PMEPA1: variants seen among roughly 807,000 people sequenced by gnomAD.
PMEPA1 encodes the protein prostate transmembrane protein, androgen induced 1.
A neutral mutation model predicts 23.0 loss-of-function variants in PMEPA1; 11 were observed. The ratio of observed to expected loss-of-function variants is 0.48; its 90% CI spans 0.30 to 0.79. The LOEUF (loss-of-function observed/expected upper bound fraction) is 0.79, where lower values mean the gene tolerates loss of function less well. Among genes scored for constraint, PMEPA1 ranks in the 30% least tolerant of loss-of-function variants. PMEPA1 has a pLI of 0.06. For missense variants in PMEPA1, 377 were observed against 390.9 expected (o/e 0.96, Z 0.30); for synonymous variants, 204 against 166.4 (o/e 1.23, Z -1.74).
Position 57,652,196 on chromosome 20 carries a change from C to G in PMEPA1, c.721G>C (p.Gly241Arg). 1 of 1,609,918 alleles carries G rather than the reference C, an allele frequency of 6.2e-7. No homozygotes were observed. The change falls in exon 4 of 4, where the codon GGG (glycine) becomes CGG (arginine). Residue 241 changes from glycine (G) to arginine (R), a missense_variant. Transcript: ENST00000341744. The surrounding 1 kb of genome is among the most constrained non-coding windows in gnomAD (Gnocchi z 6.1). Reference protein sequence around the residue: ...TYSEVIGHYPGSSFQHQQSSG... With the variant: ...TYSEVIGHYPRSSFQHQQSSG... Reference sequence around the variant, plus strand: ...CTCTGCTGGTGCTGGAAGGAGGACCCCGGGTAGTGGCCGATGACCTCGCTG... The same window carrying G: ...CTCTGCTGGTGCTGGAAGGAGGACCGCGGGTAGTGGCCGATGACCTCGCTG...
chr20:57,688,842 C>T (rs147407527), intron 1 of PMEPA1, among the ~76,000 whole-genome samples: 5 of 151,882 alleles, frequency 3.3e-5, no homozygotes, highest in African/African-American at 7.2e-5. Flanking sequence ...AAGGTGGCTT[C>T]GGGGATGTTC....
intron 1 of PMEPA1, among the ~76,000 whole-genome samples, chr20:57,709,163 A>C (rs1355427420): frequency 4.0e-5 from 6 of 151,580 alleles, no homozygotes. Context: ...ATAAAATGGA[A>C]ACTTCACGGA....
intron 1 of PMEPA1, among the ~76,000 whole-genome samples, chr20:57,665,311 A>G (rs558352352): frequency 4.3e-4 from 66 of 152,288 alleles, no homozygotes; most frequent in Non-Finnish European, 1.0e-4. Flanking sequence ...CAGAGCCGCC[A>G]TATAGGAACT....
upstream of PMEPA1, chr20:57,710,304 C>G (rs934544544): frequency 7.8e-6 from 6 of 770,260 alleles, no homozygotes; most frequent in South Asian, 1.1e-4. Context: ...CAGCCGCACC[C>G]GGGCGGGTTG....
intron 1 of PMEPA1, among the ~76,000 whole-genome samples, chr20:57,694,225 C>T (rs180995118): frequency 2.1e-4 from 32 of 152,292 alleles, no homozygotes; most frequent in Non-Finnish European, 3.8e-4. Flanking sequence ...TAAAGGCCCA[C>T]GAGGGACTTG....
Position 57,656,867 on chromosome 20 carries a change from C to T in PMEPA1, c.264+2676G>A, listed in dbSNP as rs183795473. 2.3e-3 allele frequency among the ~76,000 whole-genome samples: 343 copies of T among 152,286 alleles called. 1 individual carries two copies. Among genetic ancestry groups the T allele is most frequent in the Non-Finnish European group, 3.5e-3 (240 of 68,004 alleles). On this transcript the variant is annotated intron_variant, in intron 2 of 3. Coordinates refer to ENST00000341744, the MANE Select transcript of PMEPA1 (RefSeq NM_020182.5). This position sits in a 1 kb window ranked among gnomAD's most constrained non-coding sequence, Gnocchi z 4.7. ...GGGCTGGGGGGATGTAGACTGGGCCCGGGACAGATAAGAGCTGTATGTGGA... is the reference window on the plus strand; with the variant it reads ...GGGCTGGGGGGATGTAGACTGGGCCTGGGACAGATAAGAGCTGTATGTGGA...
At chr20:57,669,150 T>TATTTATTTA (rs140842842) in intron 1 of PMEPA1, among the ~76,000 whole-genome samples, 10 of 126,384 alleles carry the variant, frequency 7.9e-5, no homozygotes, top group African/African-American at 4.3e-4. Context: ...CACATTTATT[T>TATTTATTTA]ATTTATTTAT....
intron 1 of PMEPA1, among the ~76,000 whole-genome samples, chr20:57,669,754 A>T (rs1239176436): frequency 6.6e-6 from 1 of 152,190 alleles, no homozygotes. Context: ...GCATGCATGA[A>T]ACTGCCAGCT....
rs8183538 is a variant in PMEPA1, at chr20:57,652,963, G to C, written c.318+70C>G. On this transcript the variant is annotated intron_variant, in intron 3 of 3. Coordinates refer to ENST00000341744, the MANE Select transcript of PMEPA1 (RefSeq NM_020182.5). This position sits in a 1 kb window ranked among gnomAD's most constrained non-coding sequence, Gnocchi z 6.1. ...GGGTGAGCCTTTAGCAGCCCACACTGTTCCAGCCGCAGCGGGAGCAGCCCA... is the reference window on the plus strand; with the variant it reads ...GGGTGAGCCTTTAGCAGCCCACACTCTTCCAGCCGCAGCGGGAGCAGCCCA... 971,325 of 1,326,192 alleles carry C rather than the reference G, an allele frequency of 0.73. 361,133 individuals are homozygous for C. The highest frequency in any genetic ancestry group is 0.86 in the East Asian group (34,974 of 40,436). 82.2% of individuals were successfully genotyped at this position (1,326,192 alleles called of 1,614,324 possible).
chr20:57,671,232 C>T (rs886762159), intron 1 of PMEPA1, among the ~76,000 whole-genome samples: 5 of 152,160 alleles, frequency 3.3e-5, no homozygotes, highest in South Asian at 2.1e-4. Flanking sequence ...ATTGGCAGAA[C>T]GGAGTGAACT....
At chr20:57,711,009 C>T (rs559115678), upstream of PMEPA1, 221 of 152,278 alleles carry the variant, frequency 1.5e-3, no homozygotes, top group Non-Finnish European at 2.4e-3. Context: ...CTCAGTGTGG[C>T]CGAATATTAC....
Position 57,709,505 on chromosome 20 carries a change from G to C in PMEPA1, c.78C>G (p.Cys26Trp). Residue 26 changes from cysteine to tryptophan, a missense_variant, in exon 1 of 4, where the codon TGC (cysteine) becomes TGG (tryptophan). Physicochemically the swap from Cys to Trp is radical, Grantham distance 215. This residue lies in a region of PMEPA1 where 198 missense variants were observed against 196.3 expected (regional missense o/e 1.01). Coordinates refer to ENST00000341744, the MANE Select transcript of PMEPA1 (RefSeq NM_020182.5). ...GQPNVSCTCN[C>W]KRSLFQSMEI... ...CCATGCTCTGGAACAAAGAGCGTTT[G>C]CAGTTGCACGTGCAGGAGACATTGG... 8.8e-7 allele frequency: 1 copy of C among 1,139,944 alleles called. No individual in the cohort carries two copies. The highest frequency in any genetic ancestry group is 2.6e-5 in the South Asian group (1 of 37,976). The allele number at this position is 1,139,944 out of a possible 1,614,324, so 70.6% of individuals were successfully genotyped here. A position where few individuals can be genotyped will look rare whatever the true frequency, so the allele number is the denominator to read the frequency against.
chr20:57,707,386 C>T (rs762447756), intron 1 of PMEPA1, among the ~76,000 whole-genome samples: 9 of 152,206 alleles, frequency 5.9e-5, no homozygotes, highest in Admixed American at 1.3e-4. Context: ...TGGTTCCCTC[C>T]GTGCCTTGCA....
Position 57,648,901 on chromosome 20 carries a change from TC to T in PMEPA1, c.*3151del, listed in dbSNP as rs947438915. ...TGAGGACAGGGAATGAACCCGGCTC[TC>T]CCCCAGCCCTGATTTTTGCTACATA... On this transcript the variant is annotated 3_prime_UTR_variant, in exon 4 of 4. Transcript: ENST00000341744. 1.3e-5 allele frequency: 2 copies of T among 152,114 alleles called. No individual in the cohort carries two copies. The highest frequency in any genetic ancestry group is 4.8e-5 in the African/African-American group (2 of 41,418). The allele number at this position is 152,114 out of a possible 1,614,324, so 9.4% of individuals were successfully genotyped here. A position where few individuals can be genotyped will look rare whatever the true frequency, so the allele number is the denominator to read the frequency against.
chr20:57,691,617 G>A (rs547903003), intron 1 of PMEPA1, among the ~76,000 whole-genome samples: 12 of 152,276 alleles, frequency 7.9e-5, no homozygotes, highest in African/African-American at 2.4e-4. Flanking sequence ...TTCCCCCGAA[G>A]AAAATCATTA....
intron 1 of PMEPA1, among the ~76,000 whole-genome samples, chr20:57,674,927 A>C (rs1023142206): frequency 6.6e-6 from 1 of 152,226 alleles, no homozygotes; most frequent in Non-Finnish European, 1.5e-5. Context: ...GGACAGATGA[A>C]TGTGGACATA....
Position 57,651,789 on chromosome 20 carries a change from A to C in PMEPA1, c.*264T>G, listed in dbSNP as rs1555878413. ...AGAAACAAGAAAGACTACTGTAGAA[A>C]TTTTTTTTCTTTTGCCTTCAAGACA... is the stretch of plus-strand genomic sequence containing the variant. On this transcript the variant is annotated 3_prime_UTR_variant, in exon 4 of 4. Coordinates refer to ENST00000341744, the MANE Select transcript of PMEPA1 (RefSeq NM_020182.5). 15 of 323,132 alleles carry C rather than the reference A, an allele frequency of 4.6e-5. No individual in the cohort carries two copies. The highest frequency in any genetic ancestry group is 1.1e-5 in the Non-Finnish European group (2 of 180,210). The allele number at this position is 323,132 out of a possible 1,614,324, so 20.0% of individuals were successfully genotyped here. A position where few individuals can be genotyped will look rare whatever the true frequency, so the allele number is the denominator to read the frequency against.
chr20:57,663,444 G>T (rs2071450461), intron 1 of PMEPA1, among the ~76,000 whole-genome samples: 1 of 152,110 alleles, frequency 6.6e-6, no homozygotes, highest in Non-Finnish European at 1.5e-5. Context: ...GGGGGACAGT[G>T]GGCAGCAGGA....
rs946613400 is a variant in PMEPA1 at position 57,651,088 on chromosome 20, T to G, written c.*965A>C. Reference sequence around the variant, plus strand: ...TTCGGTAACAGTTTATTTTCATTTTTGGGAAAGGCAAAACCACTACCTGGA... The same window carrying G: ...TTCGGTAACAGTTTATTTTCATTTTGGGGAAAGGCAAAACCACTACCTGGA... On this transcript the variant is annotated 3_prime_UTR_variant, in exon 4 of 4. Coordinates refer to ENST00000341744, the MANE Select transcript of PMEPA1 (RefSeq NM_020182.5). The G allele has an allele frequency of 6.6e-6, 1 of 152,394 alleles. No individual in the cohort carries two copies. Among genetic ancestry groups the G allele is most frequent in the Non-Finnish European group, 1.5e-5 (1 of 68,042 alleles). 9.4% of individuals were successfully genotyped at this position (152,394 alleles called of 1,614,324 possible).
Sources: allele counts gnomAD v4.1 joint callset (sites outside exome capture counted in the v4.1 genomes callset), GRCh38; gene constraint gnomAD v4.1.1; regional missense constraint gnomAD v4.1.1; non-coding constraint Gnocchi (gnomAD v3.1); transcripts MANE v1.5; gene names NCBI Gene and HGNC (gene_info 2026-07-23, HGNC 2026-07-21).